Variants in PPIP5K2 observed in about 807,000 individuals in gnomAD.
PPIP5K2 encodes the protein diphosphoinositol pentakisphosphate kinase 2.
PPIP5K2 carries 105 observed loss-of-function variants against 154.6 expected under a neutral mutation model. The ratio of observed to expected loss-of-function variants is 0.68; its 90% CI spans 0.58 to 0.80. The LOEUF is 0.80. Ranked by LOEUF, PPIP5K2 falls within the 30% of genes least tolerant of loss-of-function variation. PPIP5K2 has a pLI of 0.00. For missense variants in PPIP5K2, 992 were observed against 1,504.6 expected (o/e 0.66, Z 5.64); for synonymous variants, 480 against 490.3 (o/e 0.98, Z 0.28).
intron 18 of PPIP5K2, 86 bp downstream of exon 18, chr5:103,167,406 A>G (rs1797298126): frequency 8.6e-7 from 1 of 1,168,618 alleles, no homozygotes; most frequent in Non-Finnish European, 1.2e-6. Context: ...ATCTTGTTGT[A>G]AGAAATCAAG....
intron 26 of PPIP5K2, 63 bp from the exon 27 acceptor site, chr5:103,186,257 A>G: frequency 2.5e-6 from 4 of 1,604,270 alleles, no homozygotes; most frequent in Admixed American, 1.7e-5. Flanking sequence ...TGCATGCTGC[A>G]TGAATTCCCA....
Position 103,194,848 on chromosome 5 carries a change from A to C in PPIP5K2, c.3494-52A>C, listed in dbSNP as rs1457274700. The C allele has an allele frequency of 3.2e-6, 5 of 1,561,586 alleles. No individual in the cohort carries two copies. The Admixed American group carries it at 9.0e-5, about 28-fold the overall frequency. On this transcript the variant is annotated intron_variant, in intron 29 of 30. Transcript: ENST00000358359. Reference sequence around the variant, plus strand: ...ATAAGAAACTTTCTATGATGTTAAGAGATAATTGGCAGGAAATTATTAAAT... The same window carrying C: ...ATAAGAAACTTTCTATGATGTTAAGCGATAATTGGCAGGAAATTATTAAAT...
intron 28 of PPIP5K2, chr5:103,189,112 G>A (rs1157201018): frequency 1.5e-6 from 2 of 1,349,162 alleles, no homozygotes; most frequent in Non-Finnish European, 2.0e-6. Flanking sequence ...AAGGAACATG[G>A]TGAAACAAGT....
chr5:103,151,491 A>C, intron 9 of PPIP5K2, 117 bp downstream of exon 9: 1 of 788,230 alleles, frequency 1.3e-6, no homozygotes, highest in Non-Finnish European at 2.0e-6. Context: ...ATCAGTGTTC[A>C]TAAAATGATA....
chr5:103,138,326 ATATAT>A, intron 4 of PPIP5K2, 53 bp from the exon 5 acceptor site: 1 of 1,039,978 alleles, frequency 9.6e-7, no homozygotes, highest in Non-Finnish European at 1.4e-6. Context: ...AACTACAATA[ATATAT>A]TCATTGTGAA....
intron 19 of PPIP5K2, among the ~76,000 whole-genome samples, chr5:103,169,991 T>C (rs1797727406): frequency 6.6e-6 from 1 of 151,578 alleles, no homozygotes; most frequent in African/African-American, 2.4e-5. Flanking sequence ...AGCATAACCA[T>C]GTCTGTGCCA....
intron 17 of PPIP5K2, among the ~76,000 whole-genome samples, chr5:103,159,889 A>G (rs1371293158): frequency 2.6e-5 from 4 of 152,138 alleles, no homozygotes; most frequent in South Asian, 4.1e-4. Flanking sequence ...CTTCTGTCCA[A>G]CTGAAATTGT....
At chr5:103,167,612 A>T (rs1262295145) in intron 18 of PPIP5K2, among the ~76,000 whole-genome samples, 1 of 151,906 alleles carries the variant, frequency 6.6e-6, no homozygotes, top group Non-Finnish European at 1.5e-5. Flanking sequence ...AGCAACAGGA[A>T]AGTGATCTAG....
chr5:103,132,533 G>A (rs1034494895), intron 2 of PPIP5K2, among the ~76,000 whole-genome samples: 17 of 151,918 alleles, frequency 1.1e-4, no homozygotes, highest in Admixed American at 4.6e-4. Context: ...GCGACAGAGC[G>A]AGACTTTGTC....
intron 23 of PPIP5K2, among the ~76,000 whole-genome samples, chr5:103,179,200 G>C (rs1799144885): frequency 6.6e-6 from 1 of 151,782 alleles, no homozygotes; most frequent in South Asian, 2.1e-4. Context: ...GATTAAAGAA[G>C]TACCTTTTTA....
At chr5:103,155,406 CTTTTTTTTTTTTTTTTTTTTTT>C (rs70990423) in intron 13 of PPIP5K2, among the ~76,000 whole-genome samples, 6 of 21,050 alleles carry the variant, frequency 2.9e-4, no homozygotes, top group Non-Finnish European at 7.6e-4. Flanking sequence ...TCAGAGTTGT[CTTTTTTTTTTTTTTTTTTTTTT>C]TTTTTTTTTT....
chr5:103,122,123 G>A (rs1554199261), intron 1 of PPIP5K2, among the ~76,000 whole-genome samples: 1 of 152,108 alleles, frequency 6.6e-6, no homozygotes, highest in Non-Finnish European at 1.5e-5. Context: ...TAGCAAATAT[G>A]GCAAAATGTT....
Position 103,205,819 on chromosome 5 carries a change from A to G in PPIP5K2, c.*4185A>G, listed in dbSNP as rs1554232171. On this transcript the variant is annotated 3_prime_UTR_variant, in exon 31 of 31. Coordinates refer to ENST00000358359, the MANE Select transcript of PPIP5K2 (RefSeq NM_001276277.3). The stretch of plus-strand genomic sequence containing the variant: ...TTGTCCATTGGATACTTTTTGTTCT[A>G]TAAATTGTCAGATATTAAGATTATG... 6.6e-6 allele frequency: 1 copy of G among 152,118 alleles called. No individual in the cohort carries two copies. The highest frequency in any genetic ancestry group is 2.4e-5 in the African/African-American group (1 of 41,436). The allele number at this position is 152,118 out of a possible 1,614,324, so 9.4% of individuals were successfully genotyped here. A position where few individuals can be genotyped will look rare whatever the true frequency, so the allele number is the denominator to read the frequency against.
At chr5:103,127,597 G>T (rs1045643513) in intron 1 of PPIP5K2, among the ~76,000 whole-genome samples, 1 of 152,194 alleles carries the variant, frequency 6.6e-6, no homozygotes, top group African/African-American at 2.4e-5. Context: ...TGGTTTACAG[G>T]AGTGTTCATG....
Position 103,208,381 on chromosome 5 carries a change from GC to G in PPIP5K2, c.*6750del. 1 of 152,370 alleles carries G rather than the reference GC, an allele frequency of 6.6e-6. No individual in the cohort carries two copies. The highest frequency in any genetic ancestry group is 1.9e-4 in the East Asian group (1 of 5,172). 9.4% of individuals were successfully genotyped at this position (152,370 alleles called of 1,614,324 possible). A position where few individuals can be genotyped will look rare whatever the true frequency, so the allele number is the denominator to read the frequency against. Reference sequence around the variant, plus strand: ...TGGAATTACAGGCATGAGCCATCATGCCCGGCCGTAGGTTGGCATTTTAAGC... The same window carrying G: ...TGGAATTACAGGCATGAGCCATCATGCCGGCCGTAGGTTGGCATTTTAAGC... On this transcript the variant is annotated 3_prime_UTR_variant, in exon 31 of 31. Coordinates refer to ENST00000358359, the MANE Select transcript of PPIP5K2 (RefSeq NM_001276277.3).
chr5:103,161,006 C>T (rs1456038324), intron 17 of PPIP5K2, among the ~76,000 whole-genome samples: 7 of 149,930 alleles, frequency 4.7e-5, no homozygotes, highest in Admixed American at 2.0e-4. Context: ...ATGTGCACGA[C>T]GTGCAGATTT....
In PPIP5K2 at chr5:103,158,069, A is replaced by T; in HGVS notation, c.1490-119A>T. The T allele has an allele frequency of 3.6e-6, 4 of 1,100,562 alleles. No homozygotes were observed. The South Asian group carries it at 6.7e-5, about 18-fold the overall frequency. 68.2% of individuals were successfully genotyped at this position (1,100,562 alleles called of 1,614,324 possible). A position where few individuals can be genotyped will look rare whatever the true frequency, so the allele number is the denominator to read the frequency against. The stretch of plus-strand genomic sequence containing the variant: ...ACATGCAACAGCATTTAAGGAAGAA[A>T]ATATCTTACATATGGGCCATATTTC... On this transcript the variant is annotated intron_variant, in intron 14 of 30. Transcript: ENST00000358359.
chr5:103,172,211 T>C (rs902658678), intron 19 of PPIP5K2, among the ~76,000 whole-genome samples: 1 of 151,684 alleles, frequency 6.6e-6, no homozygotes, highest in Non-Finnish European at 1.5e-5. Context: ...ATTCACTATA[T>C]AGTCACCTAC....
chr5:103,194,046 A>G (rs1268514986), intron 29 of PPIP5K2, among the ~76,000 whole-genome samples: 1 of 152,158 alleles, frequency 6.6e-6, no homozygotes, highest in African/African-American at 2.4e-5. Flanking sequence ...TATTACTTAT[A>G]ACTTAATTAG....
Sources: gnomAD v4.1 joint callset for allele counts (sites outside exome capture counted in the v4.1 genomes callset) on GRCh38, gnomAD v4.1.1 for gene constraint, MANE v1.5 for transcripts, NCBI Gene and HGNC (gene_info 2026-07-23, HGNC 2026-07-21) for gene names.